Variants in UBE2R2 observed in about 807,000 individuals in gnomAD.
The protein encoded by UBE2R2 is ubiquitin conjugating enzyme E2 R2.
UBE2R2 carries 1 observed loss-of-function variant against 27.8 expected under a neutral mutation model. The observed-to-expected ratio is 0.04, with a 90% CI of 0.01 to 0.17. The LOEUF is 0.17. UBE2R2 is among the 10% of genes least tolerant of loss of function. UBE2R2 has a pLI of 1.00. For synonymous variants in UBE2R2, 106 were observed against 113.3 expected (o/e 0.94, Z 0.41); for missense variants, 100 against 291.0 (o/e 0.34, Z 4.78).
intron 1 of UBE2R2, among the ~76,000 whole-genome samples, chr9:33,849,198 G>A (rs1402000030): frequency 6.6e-6 from 1 of 152,002 alleles, no homozygotes; most frequent in East Asian, 2.0e-4. Context: ...CGGAGGTTGC[G>A]GTGAGCCGAG....
intron 1 of UBE2R2, chr9:33,830,997 G>A (rs1820461284): frequency 6.9e-6 from 1 of 145,576 alleles, no homozygotes; most frequent in Non-Finnish European, 1.5e-5. Flanking sequence ...GAGTGCAGTG[G>A]TATTTACAAC....
At chr9:33,915,023 G>C (rs1480261996) in intron 4 of UBE2R2, among the ~76,000 whole-genome samples, 1 of 151,884 alleles carries the variant, frequency 6.6e-6, no homozygotes, top group Non-Finnish European at 1.5e-5. Flanking sequence ...CCAGCTACTT[G>C]GGAGTCTGAG....
At chr9:33,833,915 T>A (rs1820553927) in intron 1 of UBE2R2, among the ~76,000 whole-genome samples, 1 of 152,220 alleles carries the variant, frequency 6.6e-6, no homozygotes, top group Admixed American at 6.5e-5. Context: ...TAGTGTCTGT[T>A]TTATTTCACT....
intron 1 of UBE2R2, among the ~76,000 whole-genome samples, chr9:33,828,249 C>T (rs1024521791): frequency 1.0e-4 from 15 of 150,486 alleles, no homozygotes; most frequent in African/African-American, 3.2e-4. Flanking sequence ...TTGCAGTGAG[C>T]CGAGATCCCA....
intron 1 of UBE2R2, among the ~76,000 whole-genome samples, chr9:33,832,900 A>G (rs975944168): frequency 7.2e-5 from 11 of 152,276 alleles, no homozygotes; most frequent in African/African-American, 2.6e-4. Flanking sequence ...AAAGAAAAAG[A>G]TGACCACAGC....
chr9:33,862,661 A>G (rs1821266176), intron 1 of UBE2R2, among the ~76,000 whole-genome samples: 10 of 152,202 alleles, frequency 6.6e-5, no homozygotes, highest in Admixed American at 5.9e-4. Context: ...TCTGGTAAGT[A>G]GTAGAGTATG....
At chr9:33,832,727 T>G (rs958318157) in intron 1 of UBE2R2, among the ~76,000 whole-genome samples, 1 of 152,090 alleles carries the variant, frequency 6.6e-6, no homozygotes, top group Non-Finnish European at 1.5e-5. Context: ...ATTAAATTTT[T>G]TCAAGGTTTT....
Position 33,877,743 on chromosome 9 carries a change from A to G in UBE2R2, c.178-9138A>G, listed in dbSNP as rs1258937648. ...TAATCTAAGGGCAAGTAGGTAAAAG[A>G]GGTAAAACAGTGAAAATTAGCAATA... On this transcript the variant is annotated intron_variant, in intron 1 of 4. Coordinates refer to ENST00000263228, the MANE Select transcript of UBE2R2 (RefSeq NM_017811.4). Among the ~76,000 whole-genome samples the G allele has an allele frequency of 2.0e-5, 3 of 152,050 alleles. 1 individual carries two copies. Among genetic ancestry groups the G allele is most frequent in the Non-Finnish European group, 4.4e-5 (3 of 68,026 alleles).
upstream of UBE2R2, among the ~76,000 whole-genome samples, chr9:33,816,349 A>C (rs1438851121): frequency 6.6e-6 from 1 of 152,200 alleles, no homozygotes; most frequent in Non-Finnish European, 1.5e-5. Flanking sequence ...CAGGGTGGAC[A>C]TTCAAGCCAC....
At chr9:33,829,660 A>T (rs1318663723) in intron 1 of UBE2R2, among the ~76,000 whole-genome samples, 1 of 152,138 alleles carries the variant, frequency 6.6e-6, no homozygotes, top group African/African-American at 2.4e-5. Context: ...TAATGCCTTG[A>T]TATTTTCCAA....
At chr9:33,816,300 C>G (rs955353703), upstream of UBE2R2, among the ~76,000 whole-genome samples, 4 of 152,160 alleles carry the variant, frequency 2.6e-5, no homozygotes, top group Non-Finnish European at 4.4e-5. Flanking sequence ...GTCCCCACAT[C>G]TCACTTCGGT....
At chr9:33,897,318 CTCT>C (rs1376874175) in intron 2 of UBE2R2, among the ~76,000 whole-genome samples, 5 of 88,828 alleles carry the variant, frequency 5.6e-5, no homozygotes, top group African/African-American at 1.6e-4. Flanking sequence ...TTCAGAAAAA[CTCT>C]TTTTTTTTTT....
At chr9:33,818,383 G>T (rs1309250590) in intron 1 of UBE2R2, among the ~76,000 whole-genome samples, 2 of 129,784 alleles carry the variant, frequency 1.5e-5, no homozygotes, top group African/African-American at 5.7e-5. Flanking sequence ...GGGGGTGGGG[G>T]TGGGGTGGGG....
chr9:33,841,417 T>G (rs1820730709), intron 1 of UBE2R2, among the ~76,000 whole-genome samples: 1 of 152,138 alleles, frequency 6.6e-6, no homozygotes, highest in African/African-American at 2.4e-5. Flanking sequence ...TCAAGTTGAC[T>G]CCTGAATGAC....
intron 2 of UBE2R2, among the ~76,000 whole-genome samples, chr9:33,893,832 A>G (rs1822038397): frequency 1.3e-5 from 2 of 152,084 alleles, no homozygotes; most frequent in African/African-American, 4.8e-5. Context: ...GGATTTTGCC[A>G]TGTTGGCCAG....
chr9:33,887,401 C>T (rs991501973), intron 2 of UBE2R2, among the ~76,000 whole-genome samples: 1 of 152,260 alleles, frequency 6.6e-6, no homozygotes, highest in African/African-American at 2.4e-5. Flanking sequence ...GGACTGGCCT[C>T]CTTTTAGGAA....
chr9:33,823,470 G>A (rs1020862939), intron 1 of UBE2R2, among the ~76,000 whole-genome samples: 1 of 151,492 alleles, frequency 6.6e-6, no homozygotes, highest in East Asian at 2.0e-4. Context: ...CTGCCTCCCG[G>A]GTTCAAGCAG....
intron 3 of UBE2R2, among the ~76,000 whole-genome samples, chr9:33,909,176 C>T (rs1459630156): frequency 6.6e-6 from 1 of 152,054 alleles, no homozygotes; most frequent in Admixed American, 6.6e-5. Context: ...GTACACAGTA[C>T]TGATCTAGAC....
intron 1 of UBE2R2, among the ~76,000 whole-genome samples, 171 bp downstream of exon 1, chr9:33,818,105 T>A (rs1825858657): frequency 6.8e-6 from 1 of 146,784 alleles, no homozygotes; most frequent in Admixed American, 6.7e-5. Context: ...GCTCGCCGAG[T>A]GCCTTTTCTT....
Sources: gnomAD v4.1 joint callset for allele counts (sites outside exome capture counted in the v4.1 genomes callset) on GRCh38, gnomAD v4.1.1 for gene constraint, MANE v1.5 for transcripts, NCBI Gene and HGNC (gene_info 2026-07-23, HGNC 2026-07-21) for gene names.